Variants in UBE3A observed in about 807,000 individuals in gnomAD.
The protein encoded by UBE3A is ubiquitin protein ligase E3A.
A neutral mutation model predicts 83.4 loss-of-function variants in UBE3A; 6 were observed. The observed-to-expected ratio is 0.07, with a 90% CI of 0.04 to 0.14. The LOEUF is 0.14. Among genes scored for constraint, UBE3A ranks in the 10% least tolerant of loss-of-function variants. The probability of loss-of-function intolerance (pLI) is 1.00; values close to 1 mark genes in which losing one functional copy is unlikely to be tolerated. For synonymous variants in UBE3A, 337 were observed against 355.4 expected (o/e 0.95, Z 0.58); for missense variants, 456 against 1,036.1 (o/e 0.44, Z 7.69).
chr15:25,369,374 CAA>C (rs1448598954), intron 6 of UBE3A, among the ~76,000 whole-genome samples: 3 of 114,326 alleles, frequency 2.6e-5, no homozygotes, highest in Non-Finnish European at 5.6e-5. Flanking sequence ...AAACCAGTAA[CAA>C]AAAAAAAAAA....
intron 4 of UBE3A, among the ~76,000 whole-genome samples, chr15:25,381,101 G>C (rs1307406324): frequency 6.6e-6 from 1 of 152,118 alleles, no homozygotes; most frequent in East Asian, 1.9e-4. Context: ...AAATTAAGAT[G>C]GATTGATGGA....
chr15:25,371,988 A>G lies in UBE3A; in HGVS notation c.362-176T>C, dbSNP rs1272359322. The stretch of plus-strand genomic sequence containing the variant: ...AGCAAACAAAATTTAATGCTTACCT[A>G]TTTTTTTCAATGAACTACCTACCTA... On this transcript the variant is annotated intron_variant, in intron 5 of 12. Coordinates refer to ENST00000648336, the MANE Select transcript of UBE3A (RefSeq NM_130839.5). The surrounding 1 kb of genome is among the most constrained non-coding windows in gnomAD (Gnocchi z 5.3). 6.6e-6 allele frequency among the ~76,000 whole-genome samples: 1 copy of G among 152,028 alleles called. No homozygotes were observed. Among genetic ancestry groups the G allele is most frequent in the East Asian group, 1.9e-4 (1 of 5,184 alleles).
intron 1 of UBE3A, chr15:25,420,539 C>G (rs1186512467): frequency 6.6e-6 from 1 of 151,972 alleles, no homozygotes; most frequent in Non-Finnish European, 1.5e-5. Context: ...AATATTTGAA[C>G]AGACACACAA....
At chr15:25,422,105 C>A (rs756834681) in intron 1 of UBE3A, 5 of 151,944 alleles carry the variant, frequency 3.3e-5, no homozygotes, top group African/African-American at 9.7e-5. Flanking sequence ...TTTAAAAAAA[C>A]GAAACAAACA....
chr15:25,390,738 G>A (rs2084153779), intron 4 of UBE3A, among the ~76,000 whole-genome samples: 2 of 152,066 alleles, frequency 1.3e-5, no homozygotes, highest in East Asian at 1.9e-4. Flanking sequence ...GCCACAGAAC[G>A]TACAGCACTA....
intron 1 of UBE3A, among the ~76,000 whole-genome samples, chr15:25,437,280 A>G (rs1173696174): frequency 6.6e-6 from 1 of 152,142 alleles, no homozygotes; most frequent in Non-Finnish European, 1.5e-5. Flanking sequence ...TAAATTCTAA[A>G]TTTTACATGA....
intron 1 of UBE3A, among the ~76,000 whole-genome samples, chr15:25,429,534 T>G (rs1430847628): frequency 6.6e-6 from 1 of 151,976 alleles, no homozygotes; most frequent in African/African-American, 2.4e-5. Flanking sequence ...AAAAACAAAA[T>G]TACAAAAGAT....
intron 1 of UBE3A, among the ~76,000 whole-genome samples, chr15:25,433,200 T>A (rs542742417): frequency 3.3e-5 from 5 of 151,580 alleles, no homozygotes; most frequent in Admixed American, 3.3e-4. Context: ...AAAGTTTTTT[T>A]TTTTTTCTTT....
chr15:25,387,890 A>C (rs1163073753), intron 4 of UBE3A, among the ~76,000 whole-genome samples: 1 of 152,230 alleles, frequency 6.6e-6, no homozygotes, highest in Non-Finnish European at 1.5e-5. Flanking sequence ...TCAATTCCTT[A>C]AAAGACACAA....
chr15:25,419,266 T>C (rs1277633366), intron 1 of UBE3A: 1 of 152,124 alleles, frequency 6.6e-6, no homozygotes, highest in East Asian at 1.9e-4. Flanking sequence ...TGTGGTATAC[T>C]AACAACTGCA....
intron 1 of UBE3A, among the ~76,000 whole-genome samples, chr15:25,432,098 C>T (rs1018509599): frequency 6.6e-6 from 1 of 152,150 alleles, no homozygotes; most frequent in African/African-American, 2.4e-5. Context: ...GAAGAAATTC[C>T]TGTACTGTTA....
At position 25,337,130 on chromosome 15, in the gene UBE3A, A is replaced by ATATC. The variant is rs1222814388; in HGVS notation, c.*2003_*2006dup. On this transcript the variant is annotated 3_prime_UTR_variant, in exon 13 of 13. Transcript: ENST00000648336. ...AAGTCTACTTGATGTGAACAACTCT[A>ATATC]TATCTGATAACCTATTTCAATTACC... 1 of 152,178 alleles carries ATATC rather than the reference A, an allele frequency of 6.6e-6. No homozygotes were observed. The highest frequency in any genetic ancestry group is 6.5e-5 in the Admixed American group (1 of 15,270). The allele number at this position is 152,178 out of a possible 1,614,324, so 9.4% of individuals were successfully genotyped here. A position where few individuals can be genotyped will look rare whatever the true frequency, so the allele number is the denominator to read the frequency against.
chr15:25,369,975 T>A (rs1293294996), intron 6 of UBE3A, among the ~76,000 whole-genome samples: 1 of 152,094 alleles, frequency 6.6e-6, no homozygotes, highest in Non-Finnish European at 1.5e-5. Flanking sequence ...GACCCAGAGT[T>A]GTCTCTATGA....
At position 25,370,985 on chromosome 15, in the gene UBE3A, G is replaced by A; in HGVS notation, c.1189C>T (p.Pro397Ser). 2.5e-6 allele frequency: 4 copies of A among 1,613,996 alleles called. No individual in the cohort carries two copies. Among genetic ancestry groups the A allele is most frequent in the Non-Finnish European group, 3.4e-6 (4 of 1,179,998 alleles). Residue 397 changes from proline (P) to serine (S), a missense_variant, in exon 6 of 13, where the codon CCC (proline) becomes TCC (serine). Physicochemically the swap from Pro to Ser is moderately conservative, Grantham distance 74. Around this residue, in one of 13 missense-constraint regions of UBE3A, gnomAD observed 85 missense variants for 137.0 expected, o/e 0.62. Coordinates refer to ENST00000648336, the MANE Select transcript of UBE3A (RefSeq NM_130839.5). This position sits in a 1 kb window ranked among gnomAD's most constrained non-coding sequence, Gnocchi z 4.2. Reference protein sequence around the residue: ...TNHNEEDDEEPIPESSELTLQ... With the variant: ...TNHNEEDDEESIPESSELTLQ... ...GTCAGCTCGCTGGACTCAGGGATGG[G>A]CTCTTCATCATCTTCTTCATTGTGA...
chr15:25,356,420 G>A (rs1223689188), intron 8 of UBE3A, among the ~76,000 whole-genome samples: 2 of 152,098 alleles, frequency 1.3e-5, no homozygotes, highest in African/African-American at 2.4e-5. Context: ...TATCTCTTAA[G>A]ATTTCACTAA....
intron 6 of UBE3A, among the ~76,000 whole-genome samples, chr15:25,367,269 A>T (rs1227437664): frequency 8.0e-6 from 1 of 125,004 alleles, no homozygotes; most frequent in Non-Finnish European, 1.6e-5. Context: ...AAATATGTAA[A>T]TATTTACATA....
At chr15:25,345,215 A>C (rs1361667853) in intron 11 of UBE3A, among the ~76,000 whole-genome samples, 1 of 152,156 alleles carries the variant, frequency 6.6e-6, no homozygotes, top group Non-Finnish European at 1.5e-5. Flanking sequence ...CAGGGCTTAA[A>C]GTTTTAAAAA....
In UBE3A at chr15:25,385,421, C is replaced by T. The variant is rs1264470666; in HGVS notation, c.63-9658G>A. Reference sequence around the variant, plus strand: ...ACATCATCTGAAACCATTAGGATGGCCACCATTAAAAAAACAGAAAATAAG... The same window carrying T: ...ACATCATCTGAAACCATTAGGATGGTCACCATTAAAAAAACAGAAAATAAG... On this transcript the variant is annotated intron_variant, in intron 4 of 12. Coordinates refer to ENST00000648336, the MANE Select transcript of UBE3A (RefSeq NM_130839.5). Among the ~76,000 whole-genome samples the T allele has an allele frequency of 2.6e-5, 4 of 151,832 alleles. No individual in the cohort carries two copies. In the East Asian group the frequency reaches 7.8e-4, roughly 29 times the overall value.
At chr15:25,417,901 T>A (rs1887724525) in intron 1 of UBE3A, 1 of 151,320 alleles carries the variant, frequency 6.6e-6, no homozygotes. Context: ...AAACCATAAA[T>A]GTACAGATTC....
Sources: gnomAD v4.1 joint callset for allele counts (sites outside exome capture counted in the v4.1 genomes callset) on GRCh38, gnomAD v4.1.1 for gene constraint, gnomAD v4.1.1 regional missense constraint, Gnocchi (gnomAD v3.1) non-coding constraint, MANE v1.5 for transcripts, NCBI Gene and HGNC (gene_info 2026-07-23, HGNC 2026-07-21) for gene names.